Variants in MAD1L1 observed in about 807,000 individuals in gnomAD.
MAD1L1 encodes mitotic spindle assembly checkpoint protein MAD1.
MAD1L1 carries 95 observed loss-of-function variants against 96.9 expected under a neutral mutation model. The observed-to-expected ratio is 0.98, with a 90% CI of 0.83 to 1.16. The LOEUF (loss-of-function observed/expected upper bound fraction) is 1.16. Among genes scored for constraint, MAD1L1 ranks in the 50% most tolerant of loss-of-function variants. The pLI, the probability that MAD1L1 is intolerant of heterozygous loss-of-function variation, is 0.00. For missense variants in MAD1L1, 1,007 were observed against 954.4 expected (o/e 1.06, Z -0.73); for synonymous variants, 473 against 396.6 (o/e 1.19, Z -2.29).
At chr7:2,083,298 G>A (rs867664022) in intron 11 of MAD1L1, among the ~76,000 whole-genome samples, 4 of 152,146 alleles carry the variant, frequency 2.6e-5, no homozygotes, top group African/African-American at 7.2e-5. Context: ...CGCTTCCTCC[G>A]TGCCGGGCGG....
intron 9 of MAD1L1, 110 bp downstream of exon 9, chr7:2,215,775 G>T: frequency 1.0e-6 from 1 of 980,280 alleles, no homozygotes; most frequent in Non-Finnish European, 1.6e-6. Context: ...CCCCATCACA[G>T]CAACCTCCAT....
chr7:2,216,399 A>G (rs1233556650), intron 7 of MAD1L1, 112 bp from the exon 8 acceptor site: 3 of 1,068,542 alleles, frequency 2.8e-6, no homozygotes, highest in Non-Finnish European at 4.0e-6. Context: ...GGCTATACAC[A>G]CTGCAGGATC....
At chr7:1,945,993 T>C (rs1217875126) in intron 16 of MAD1L1, among the ~76,000 whole-genome samples, 2 of 151,766 alleles carry the variant, frequency 1.3e-5, no homozygotes, top group Non-Finnish European at 2.9e-5. Context: ...GAAGGGCCAG[T>C]GGGTTCTGCA....
chr7:1,847,302 G>A (rs934324454), intron 18 of MAD1L1: 10 of 470,964 alleles, frequency 2.1e-5, no homozygotes, highest in Non-Finnish European at 3.1e-5. Flanking sequence ...TGCAGGAGCC[G>A]CTGGATTACA....
intron 12 of MAD1L1, among the ~76,000 whole-genome samples, chr7:2,068,034 C>A (rs1037798782): frequency 6.6e-6 from 1 of 152,264 alleles, no homozygotes; most frequent in Non-Finnish European, 1.5e-5. Context: ...CGAGAGCTTG[C>A]TCCACAGAAA....
At chr7:1,936,007 AG>A (rs1382644905) in intron 17 of MAD1L1, among the ~76,000 whole-genome samples, 4 of 152,222 alleles carry the variant, frequency 2.6e-5, no homozygotes, top group African/African-American at 9.6e-5. Context: ...AGAGCAACAC[AG>A]GGGGCAGGGG....
chr7:2,070,193 C>T (rs1785058104), intron 11 of MAD1L1, among the ~76,000 whole-genome samples: 1 of 152,236 alleles, frequency 6.6e-6, no homozygotes, highest in Non-Finnish European at 1.5e-5. Flanking sequence ...CAGGAGCTGA[C>T]TTGGGACCGG....
At chr7:1,819,972 A>G (rs1484158544) in intron 18 of MAD1L1, among the ~76,000 whole-genome samples, 2 of 152,166 alleles carry the variant, frequency 1.3e-5, no homozygotes, top group Non-Finnish European at 2.9e-5. Context: ...AAACAAGGAA[A>G]GCTGAAATAA....
At chr7:2,156,234 A>G (rs1789837565) in intron 10 of MAD1L1, among the ~76,000 whole-genome samples, 1 of 147,710 alleles carries the variant, frequency 6.8e-6, no homozygotes, top group Admixed American at 6.7e-5. Flanking sequence ...TGGCGAGGGG[A>G]GCGGGCGCAT....
chr7:2,188,590 T>C (rs369927172), intron 10 of MAD1L1, among the ~76,000 whole-genome samples: 18 of 152,308 alleles, frequency 1.2e-4, no homozygotes, highest in African/African-American at 4.1e-4. Context: ...CAATGAGGAA[T>C]GGACAAGCTT....
At chr7:2,170,727 C>T (rs899226130) in intron 10 of MAD1L1, among the ~76,000 whole-genome samples, 2 of 152,038 alleles carry the variant, frequency 1.3e-5, no homozygotes, top group African/African-American at 4.8e-5. Context: ...AGTGGCGTAG[C>T]GGCAGTGGGG....
intron 5 of MAD1L1, 28 bp downstream of exon 5, chr7:2,222,547 C>T (rs753773867): frequency 1.3e-6 from 2 of 1,530,124 alleles, no homozygotes; most frequent in Admixed American, 4.0e-5. Flanking sequence ...GGGAAAACAG[C>T]TCCCTGCGCA....
chr7:2,144,482 C>G (rs768908710), intron 11 of MAD1L1, among the ~76,000 whole-genome samples: 3 of 152,168 alleles, frequency 2.0e-5, no homozygotes, highest in Non-Finnish European at 4.4e-5. Flanking sequence ...CATCCCTGCC[C>G]GAGCTTCCCA....
At chr7:1,820,949 C>A (rs1399354962) in intron 18 of MAD1L1, among the ~76,000 whole-genome samples, 1 of 151,596 alleles carries the variant, frequency 6.6e-6, no homozygotes, top group East Asian at 1.9e-4. Flanking sequence ...GGTGTGGTGG[C>A]GGGTGCCTGT....
At chr7:1,873,676 C>G (rs1370958402) in intron 18 of MAD1L1, among the ~76,000 whole-genome samples, 1 of 152,052 alleles carries the variant, frequency 6.6e-6, no homozygotes, top group Non-Finnish European at 1.5e-5. Context: ...CTGTAACCCC[C>G]GACCACCATG....
chr7:2,203,410 G>T (rs544290831), intron 10 of MAD1L1, among the ~76,000 whole-genome samples: 2 of 152,252 alleles, frequency 1.3e-5, no homozygotes, highest in Admixed American at 1.3e-4. Context: ...GCAGTCACAC[G>T]CCGTGACGGG....
chr7:2,165,906 G>A lies in MAD1L1; in HGVS notation c.987-16668C>T, dbSNP rs540606320. ...GCAGGTCTGTGTACGCAGAATGACCGGCCCCCAGGGTACACCTGTGCCTGG... is the reference window on the plus strand; with the variant it reads ...GCAGGTCTGTGTACGCAGAATGACCAGCCCCCAGGGTACACCTGTGCCTGG... On this transcript the variant is annotated intron_variant, in intron 10 of 18. Coordinates refer to ENST00000265854, the MANE Select transcript of MAD1L1 (RefSeq NM_001013836.2). Among the ~76,000 whole-genome samples, 9 of 152,292 alleles carry A rather than the reference G, an allele frequency of 5.9e-5. 1 individual carries two copies. The highest frequency in any genetic ancestry group is 2.1e-4 in the South Asian group (1 of 4,830).
At chr7:2,174,948 G>A (rs188213011) in intron 10 of MAD1L1, among the ~76,000 whole-genome samples, 5 of 152,274 alleles carry the variant, frequency 3.3e-5, no homozygotes, top group Admixed American at 1.3e-4. Context: ...TAAGTTTCAC[G>A]GCAACAGAGT....
At chr7:1,859,427 G>A (rs1216382014) in intron 18 of MAD1L1, among the ~76,000 whole-genome samples, 4 of 152,220 alleles carry the variant, frequency 2.6e-5, no homozygotes, top group Admixed American at 6.5e-5. Flanking sequence ...TATGTGTTTC[G>A]GCTACCGTGC....
Sources: allele counts gnomAD v4.1 joint callset (sites outside exome capture counted in the v4.1 genomes callset), GRCh38; gene constraint gnomAD v4.1.1; transcripts MANE v1.5; gene names NCBI Gene and HGNC (gene_info 2026-07-23, HGNC 2026-07-21).